LOXL2: variants seen among roughly 807,000 people sequenced by gnomAD.
LOXL2 encodes lysyl oxidase like 2.
Under a neutral mutation model 93.0 loss-of-function variants are expected in LOXL2, and 70 were observed. The observed-to-expected ratio is 0.75, with a 90% CI of 0.62 to 0.92. The LOEUF is 0.92. Among genes scored for constraint, LOXL2 ranks in the 40% least tolerant of loss-of-function variants. The probability of loss-of-function intolerance (pLI) is 0.00; values close to 1 mark genes in which losing one functional copy is unlikely to be tolerated. For synonymous variants in LOXL2, 438 were observed against 413.2 expected, an observed-to-expected ratio of 1.06 and a Z score of -0.73; for missense variants, 973 against 1,054.9, an observed-to-expected ratio of 0.92 and a Z score of 1.08.
chr8:23,301,449 G>C (rs1803130052), intron 12 of LOXL2, among the ~76,000 whole-genome samples: 1 of 152,202 alleles, frequency 6.6e-6, no homozygotes, highest in Non-Finnish European at 1.5e-5. Flanking sequence ...TGACAAAGAA[G>C]TCACCTGGCC....
chr8:23,364,499 G>C (rs1804364644), intron 2 of LOXL2: 1 of 152,160 alleles, frequency 6.6e-6, no homozygotes, highest in Non-Finnish European at 1.5e-5. Flanking sequence ...AATTCAGTTG[G>C]AATGCCAGAG....
chr8:23,358,061 G>C (rs1367721810), intron 3 of LOXL2, among the ~76,000 whole-genome samples: 1 of 152,148 alleles, frequency 6.6e-6, no homozygotes. Context: ...ATAAGTGGGG[G>C]CTAATTATTG....
chr8:23,341,517 G>C (rs1196064888), intron 3 of LOXL2: 3 of 444,640 alleles, frequency 6.7e-6, no homozygotes, highest in African/African-American at 4.0e-5. Flanking sequence ...GAGAGCAAAG[G>C]GCAGCAGCCT....
At chr8:23,309,641 G>A in intron 10 of LOXL2, 27 bp downstream of exon 10, 1 of 1,409,660 alleles carries the variant, frequency 7.1e-7, no homozygotes. Flanking sequence ...GGGCAGCTTA[G>A]TGGGGAGGGT....
At chr8:23,301,472 G>T (rs776042199) in intron 12 of LOXL2, among the ~76,000 whole-genome samples, 1 of 152,182 alleles carries the variant, frequency 6.6e-6, no homozygotes, top group Non-Finnish European at 1.5e-5. Context: ...GCTGTGTCTC[G>T]TGTTCAGTAT....
intron 1 of LOXL2, among the ~76,000 whole-genome samples, chr8:23,395,572 C>T (rs1376272494): frequency 6.6e-6 from 1 of 152,128 alleles, no homozygotes; most frequent in African/African-American, 2.4e-5. Flanking sequence ...GGATGATATG[C>T]AAATTATATC....
chr8:23,350,487 T>C (rs1326758285), intron 3 of LOXL2, among the ~76,000 whole-genome samples: 1 of 152,126 alleles, frequency 6.6e-6, no homozygotes, highest in Non-Finnish European at 1.5e-5. Context: ...GGAGAATCAC[T>C]TGAACCCAGG....
At chr8:23,377,560 T>A (rs1412228292) in intron 1 of LOXL2, among the ~76,000 whole-genome samples, 3 of 150,292 alleles carry the variant, frequency 2.0e-5, no homozygotes, top group Non-Finnish European at 4.4e-5. Context: ...CCCATTATTA[T>A]TGTGTGGGAG....
chr8:23,303,133 A>G lies in LOXL2; in HGVS notation c.1996+149T>C, dbSNP rs1192824653. On this transcript the variant is annotated intron_variant, in intron 11 of 13. Transcript: ENST00000389131. ...ATGCCCATGCCCCCAGCGCCTCACTATAGCTGAGGAAGGTCCAGGTGGGGA... is the reference window on the plus strand; with the variant it reads ...ATGCCCATGCCCCCAGCGCCTCACTGTAGCTGAGGAAGGTCCAGGTGGGGA... The G allele has an allele frequency of 4.9e-5, 32 of 650,624 alleles. No individual in the cohort carries two copies. The East Asian group carries it at 8.0e-4, about 16-fold the overall frequency. 40.3% of individuals were successfully genotyped at this position (650,624 alleles called of 1,614,324 possible).
chr8:23,371,366 A>G (rs1804489590), intron 1 of LOXL2, among the ~76,000 whole-genome samples: 1 of 152,204 alleles, frequency 6.6e-6, no homozygotes, highest in Non-Finnish European at 1.5e-5. Context: ...AAGAGTATGA[A>G]GTAGGAAATG....
intron 5 of LOXL2, chr8:23,332,050 G>A (rs28526361): frequency 0.77 from 94,918 of 122,860 alleles, 37,077 homozygotes; most frequent in South Asian, 0.85. Context: ...AAAAAAAAAA[G>A]AAGAAGAAGA....
At chr8:23,374,637 C>A (rs1181080553) in intron 1 of LOXL2, among the ~76,000 whole-genome samples, 2 of 152,202 alleles carry the variant, frequency 1.3e-5, no homozygotes, top group African/African-American at 4.8e-5. Flanking sequence ...TGAATGATTG[C>A]CATTCTAACT....
intron 1 of LOXL2, among the ~76,000 whole-genome samples, chr8:23,390,531 T>C (rs897568040): frequency 5.9e-5 from 9 of 152,224 alleles, no homozygotes; most frequent in Admixed American, 4.6e-4. Context: ...GAGGTCTTTG[T>C]TGGCATAATT....
Position 23,351,848 on chromosome 8 carries a change from TC to T in LOXL2, c.531+8241del, listed in dbSNP as rs754928673. On this transcript the variant is annotated intron_variant, in intron 3 of 13. Transcript: ENST00000389131. Reference sequence around the variant, plus strand: ...ATGTGAGGGCTAGACAGGATCTTTTTCTCTCTTTTTGAGATGGAGTCTCGCT... The same window carrying T: ...ATGTGAGGGCTAGACAGGATCTTTTTTCTCTTTTTGAGATGGAGTCTCGCT... Among the ~76,000 whole-genome samples, 296 of 151,842 alleles carry T rather than the reference TC, an allele frequency of 1.9e-3. 1 individual carries two copies. The highest frequency in any genetic ancestry group is 0.01 in the Middle Eastern group (3 of 294).
intron 5 of LOXL2, among the ~76,000 whole-genome samples, chr8:23,332,176 T>TCA (rs1199663769): frequency 7.5e-5 from 11 of 146,344 alleles, no homozygotes; most frequent in Non-Finnish European, 1.1e-4. Flanking sequence ...TCACACTCTC[T>TCA]CACACACACA....
intron 1 of LOXL2, among the ~76,000 whole-genome samples, chr8:23,369,577 G>A (rs1804465636): frequency 6.6e-6 from 1 of 152,176 alleles, no homozygotes; most frequent in Non-Finnish European, 1.5e-5. Context: ...ATGGAGGGAT[G>A]ATCTGCCTTG....
intron 1 of LOXL2, among the ~76,000 whole-genome samples, chr8:23,394,923 C>T (rs774009507): frequency 5.3e-5 from 8 of 152,038 alleles, no homozygotes; most frequent in East Asian, 3.9e-4. Flanking sequence ...GAATATTATT[C>T]GGCCATAAAA....
rs758736645 is a variant in LOXL2, at chr8:23,301,984, C to A, written c.2133+43G>T. On this transcript the variant is annotated intron_variant, in intron 12 of 13. Transcript: ENST00000389131. Reference sequence around the variant, plus strand: ...AAGGAGCCTGTGGAGGTGGCCTCCCCTCCTCCCCCTGCAGGGCTGGAACCC... The same window carrying A: ...AAGGAGCCTGTGGAGGTGGCCTCCCATCCTCCCCCTGCAGGGCTGGAACCC... The A allele has an allele frequency of 5.0e-6, 8 of 1,611,398 alleles. No individual in the cohort carries two copies. In the South Asian group the frequency reaches 8.8e-5, roughly 18 times the overall value.
At chr8:23,376,419 G>T (rs1804594368) in intron 1 of LOXL2, among the ~76,000 whole-genome samples, 1 of 152,220 alleles carries the variant, frequency 6.6e-6, no homozygotes, top group East Asian at 1.9e-4. Flanking sequence ...TTGTGTCTCT[G>T]CCAGGCTTTG....
Sources: gnomAD v4.1 joint callset for allele counts (sites outside exome capture counted in the v4.1 genomes callset) on GRCh38, gnomAD v4.1.1 for gene constraint, MANE v1.5 for transcripts, NCBI Gene and HGNC (gene_info 2026-07-23, HGNC 2026-07-21) for gene names.